The following ABCB4 variants were observed in gnomAD, a reference collection of about 807,000 sequenced individuals.
ABCB4 encodes phosphatidylcholine translocator ABCB4.
In ABCB4, 76 loss-of-function variants were observed where a neutral mutation model predicts 145.7. That is an observed-to-expected ratio of 0.52 (90% CI 0.43 to 0.63). ABCB4 has a LOEUF of 0.63. ABCB4 is among the 30% of genes least tolerant of loss of function. The pLI, the probability that ABCB4 is intolerant of heterozygous loss-of-function variation, is 0.00. For synonymous variants in ABCB4, 517 were observed against 566.8 expected (o/e 0.91, Z 1.25); for missense variants, 1,234 against 1,553.1 (o/e 0.79, Z 3.45).
At chr7:87,450,468 ATTTTT>A (rs373293934) in intron 7 of ABCB4, among the ~76,000 whole-genome samples, 4,771 of 131,184 alleles carry the variant, frequency 0.036, 115 homozygotes, top group South Asian at 0.11. Flanking sequence ...TTGTGTCACA[ATTTTT>A]TTTTTTTTTT....
In ABCB4 at chr7:87,439,622, T is replaced by C. The variant is rs775935541; in HGVS notation, c.1731+45A>G. ...CGGAAGCACTGGCAAGAATCTTCAA[T>C]AGGTTTCAATGTGGTGGTCCTTCAG... On this transcript the variant is annotated intron_variant, in intron 14 of 27. Transcript: ENST00000649586. 5.6e-6 allele frequency: 9 copies of C among 1,610,070 alleles called. No homozygotes were observed. The East Asian group carries it at 2.0e-4, about 36-fold the overall frequency.
At chr7:87,369,229 A>C in the ABCB4 span, 1 of 505,338 alleles carries the variant, frequency 2.0e-6, no homozygotes, top group Non-Finnish European at 3.6e-6. Flanking sequence ...TTCCATTAAT[A>C]CATTATTTTT....
intron 15 of ABCB4, among the ~76,000 whole-genome samples, chr7:87,427,675 G>C (rs991873644): frequency 2.6e-5 from 4 of 152,108 alleles, no homozygotes; most frequent in African/African-American, 9.7e-5. Context: ...TCTTGTTCTT[G>C]CTCCTCCCTT....
At chr7:87,382,017 C>A in the ABCB4 span, 6 of 1,584,816 alleles carry the variant, frequency 3.8e-6, no homozygotes, top group Middle Eastern at 1.7e-4. Context: ...AATATTTCAT[C>A]TTTTTTCTCC....
intron 3 of ABCB4, among the ~76,000 whole-genome samples, chr7:87,463,331 G>T (rs893911885): frequency 1.3e-5 from 2 of 151,554 alleles, no homozygotes; most frequent in Non-Finnish European, 2.9e-5. Context: ...TAAAATAGAG[G>T]AAAATAGATG....
At position 87,402,145 on chromosome 7, in the gene ABCB4, C is replaced by T. The variant is rs764688344; in HGVS notation, c.3791G>A (p.Gly1264Asp). Residue 1264 changes from glycine to aspartate, a missense_variant, in exon 28 of 28, where the codon GGC becomes GAC. Gly to Asp is a moderately conservative substitution (Grantham distance 94). This residue lies in a region of ABCB4 where 58 missense variants were observed against 75.9 expected (regional missense o/e 0.76). Coordinates refer to ENST00000649586, the MANE Select transcript of ABCB4 (RefSeq NM_000443.4). ...GACACTGACCATTGAAAAATAGATGCCTTTCTGTGCCAGCAGCTGCTGATG... is the reference window on the plus strand; with the variant it reads ...GACACTGACCATTGAAAAATAGATGTCTTTCTGTGCCAGCAGCTGCTGATG... ...GTHQQLLAQK[G>D]IYFSMVSVQA... 6.2e-7 allele frequency: 1 copy of T among 1,614,026 alleles called. No individual in the cohort carries two copies. Among genetic ancestry groups the T allele is most frequent in the East Asian group, 2.2e-5 (1 of 44,886 alleles).
At chr7:87,466,979 A>G (rs1343566952) in intron 3 of ABCB4, among the ~76,000 whole-genome samples, 1 of 152,236 alleles carries the variant, frequency 6.6e-6, no homozygotes, top group African/African-American at 2.4e-5. Flanking sequence ...GGCTAGGAAG[A>G]AACTGCATCA....
the ABCB4 span, among the ~76,000 whole-genome samples, chr7:87,368,047 A>C: frequency 1.3e-5 from 2 of 152,160 alleles, no homozygotes; most frequent in Admixed American, 1.3e-4. Flanking sequence ...GGCCAGTATA[A>C]TCGGGTCTCA....
At chr7:87,424,965 T>A (rs186273361) in intron 16 of ABCB4, among the ~76,000 whole-genome samples, 1 of 152,120 alleles carries the variant, frequency 6.6e-6, no homozygotes, top group African/African-American at 2.4e-5. Context: ...TATTTATATC[T>A]CTATAAAACA....
the ABCB4 span, chr7:87,369,611 TA>T: frequency 2.3e-4 from 78 of 344,310 alleles, no homozygotes; most frequent in African/African-American, 1.2e-3. Flanking sequence ...CATGCTTTTT[TA>T]AAAAAAAATC....
intron 4 of ABCB4, among the ~76,000 whole-genome samples, chr7:87,456,774 T>A (rs17149641): frequency 6.6e-6 from 1 of 151,806 alleles, no homozygotes; most frequent in Non-Finnish European, 1.5e-5. Context: ...TCTCAGAGTC[T>A]CAAGAATGGA....
chr7:87,465,351 C>G (rs569231548), intron 3 of ABCB4, among the ~76,000 whole-genome samples: 1 of 152,116 alleles, frequency 6.6e-6, no homozygotes, highest in African/African-American at 2.4e-5. Context: ...ATAGCTGAGA[C>G]TTGAGTAGGT....
chr7:87,454,014 T>C (rs1811943584), intron 5 of ABCB4, among the ~76,000 whole-genome samples: 1 of 152,230 alleles, frequency 6.6e-6, no homozygotes, highest in Admixed American at 6.5e-5. Context: ...AGTAGAAAGT[T>C]AGTATTTTAA....
chr7:87,400,578 C>T (rs1313548927), downstream of ABCB4, among the ~76,000 whole-genome samples: 1 of 152,174 alleles, frequency 6.6e-6, no homozygotes, highest in Non-Finnish European at 1.5e-5. Flanking sequence ...TCCCCTCATT[C>T]TAATGCAGGG....
In ABCB4 at chr7:87,452,298, G is replaced by T. The variant is rs45613040; in HGVS notation, c.537-504C>A. 4.3e-3 allele frequency: 793 copies of T among 183,710 alleles called. 7 individuals are homozygous for T. The highest frequency in any genetic ancestry group is 6.2e-3 in the Admixed American group (114 of 18,342). 11.4% of individuals were successfully genotyped at this position (183,710 alleles called of 1,614,324 possible). A position where few individuals can be genotyped will look rare whatever the true frequency, so the allele number is the denominator to read the frequency against. ...ACTCCTCAGCTCAGAAACTTCCAGC[G>T]GCTGCCATTTCACTGGGTGAAAGCT... On this transcript the variant is annotated intron_variant, in intron 6 of 27. Coordinates refer to ENST00000649586, the MANE Select transcript of ABCB4 (RefSeq NM_000443.4).
the ABCB4 span, chr7:87,393,003 C>G: frequency 6.2e-7 from 1 of 1,613,494 alleles, no homozygotes; most frequent in Non-Finnish European, 8.5e-7. Flanking sequence ...TTTACGAGTC[C>G]AGGGAGTGGT....
chr7:87,416,297 T>C (rs1258834038), intron 21 of ABCB4, among the ~76,000 whole-genome samples: 1 of 152,244 alleles, frequency 6.6e-6, no homozygotes, highest in Non-Finnish European at 1.5e-5. Context: ...CCTCTTAATA[T>C]GGTGCCTCTG....
chr7:87,427,253 A>G (rs537839158), intron 15 of ABCB4, among the ~76,000 whole-genome samples: 1 of 152,118 alleles, frequency 6.6e-6, no homozygotes, highest in Non-Finnish European at 1.5e-5. Flanking sequence ...CCACCAAGAA[A>G]GGGAAGAAGA....
At position 87,413,724 on chromosome 7, in the gene ABCB4, C is replaced by T. The variant is rs756806091; in HGVS notation, c.2683-7G>A. On this transcript the variant is annotated splice_polypyrimidine_tract_variant and splice_region_variant and intron_variant, in intron 21 of 27. Coordinates refer to ENST00000649586, the MANE Select transcript of ABCB4 (RefSeq NM_000443.4). ...CTATTGCCTCTGTTGCAATCTGTAA[C>T]ACAGAATAGACCTTCATTAGAAGTG... 6.4e-7 allele frequency: 1 copy of T among 1,554,878 alleles called. No individual in the cohort carries two copies. Among genetic ancestry groups the T allele is most frequent in the East Asian group, 2.2e-5 (1 of 44,546 alleles).
Sources: allele counts gnomAD v4.1 joint callset (sites outside exome capture counted in the v4.1 genomes callset), GRCh38; gene constraint gnomAD v4.1.1; regional missense constraint gnomAD v4.1.1; transcripts MANE v1.5; gene names NCBI Gene and HGNC (gene_info 2026-07-23, HGNC 2026-07-21).